JMJD1C: variants seen among roughly 807,000 people sequenced by gnomAD.
JMJD1C encodes jumonji domain containing 1C, also known as jumonji domain-containing protein 1C.
A neutral mutation model predicts 245.3 loss-of-function variants in JMJD1C; 31 were observed. The observed-to-expected ratio is 0.13, with a 90% CI of 0.09 to 0.17. JMJD1C has a LOEUF of 0.17. JMJD1C is among the 10% of genes least tolerant of loss of function. JMJD1C has a pLI of 1.00. For synonymous variants in JMJD1C, 1,057 were observed against 1,017.4 expected (o/e 1.04, Z -0.74); for missense variants, 2,691 against 3,000.2 (o/e 0.90, Z 2.41).
At chr10:63,238,540 C>T (rs914460608) in intron 3 of JMJD1C, among the ~76,000 whole-genome samples, 1 of 152,054 alleles carries the variant, frequency 6.6e-6, no homozygotes, top group Non-Finnish European at 1.5e-5. Flanking sequence ...TAAATTAATA[C>T]TCATGGTTAT....
At position 63,230,772 on chromosome 10, in the gene JMJD1C, C is replaced by A. The variant is rs142606049; in HGVS notation, c.448-10789G>T. 9.3e-5 allele frequency among the ~76,000 whole-genome samples: 14 copies of A among 150,804 alleles called. No homozygotes were observed. In the East Asian group the frequency reaches 1.8e-3, roughly 20 times the overall value. Reference sequence around the variant, plus strand: ...CCTAGGTGACAGAGTGAGACTGTCCCCCCCCCCAAAAAAAATAAATAAAAA... The same window carrying A: ...CCTAGGTGACAGAGTGAGACTGTCCACCCCCCCAAAAAAAATAAATAAAAA... On this transcript the variant is annotated intron_variant, in intron 3 of 25. Transcript: ENST00000399262.
intron 2 of JMJD1C, among the ~76,000 whole-genome samples, chr10:63,362,809 A>G (rs985107647): frequency 3.9e-5 from 6 of 152,016 alleles, no homozygotes; most frequent in Admixed American, 3.3e-4. Flanking sequence ...TATAATTCCT[A>G]AAATATGATC....
At position 63,334,829 on chromosome 10, in the gene JMJD1C, C is replaced by T. The variant is rs191365182; in HGVS notation, c.333+45489G>A. Among the ~76,000 whole-genome samples, 644 of 152,106 alleles carry T rather than the reference C, an allele frequency of 4.2e-3. 3 individuals carry two copies. Among genetic ancestry groups the T allele is most frequent in the Middle Eastern group, 0.017 (5 of 294 alleles). Reference sequence around the variant, plus strand: ...GTTCAAACGACTCTCAGGCCTCAGCCTCCCAAGTAGTGGGACTACAGGTGC... The same window carrying T: ...GTTCAAACGACTCTCAGGCCTCAGCTTCCCAAGTAGTGGGACTACAGGTGC... On this transcript the variant is annotated intron_variant, in intron 2 of 25. Coordinates refer to ENST00000399262, the MANE Select transcript of JMJD1C (RefSeq NM_032776.3).
intron 2 of JMJD1C, among the ~76,000 whole-genome samples, chr10:63,321,757 G>A (rs188003955): frequency 5.3e-5 from 8 of 152,270 alleles, no homozygotes; most frequent in African/African-American, 1.4e-4. Flanking sequence ...AAGTGTACGC[G>A]AGTTAGGCAC....
intron 1 of JMJD1C, among the ~76,000 whole-genome samples, chr10:63,422,678 G>A (rs1248280330): frequency 6.6e-6 from 1 of 152,116 alleles, no homozygotes. Context: ...GAGCATGAGG[G>A]CAATAATATG....
At chr10:63,440,121 G>A (rs1471123691) in intron 1 of JMJD1C, among the ~76,000 whole-genome samples, 6 of 152,144 alleles carry the variant, frequency 3.9e-5, no homozygotes, top group African/African-American at 1.4e-4. Flanking sequence ...GATCACCTGA[G>A]GTGAAGAGTT....
chr10:63,177,902 G>C (rs1283697916), intron 22 of JMJD1C, 46 bp from the exon 23 acceptor site: 5 of 1,593,422 alleles, frequency 3.1e-6, no homozygotes, highest in South Asian at 1.1e-5. Flanking sequence ...AAGAATACCA[G>C]AAAGCCAAGT....
Position 63,197,411 on chromosome 10 carries a change from C to G in JMJD1C, c.5644G>C (p.Asp1882His). 6.2e-7 allele frequency: 1 copy of G among 1,612,392 alleles called. No individual in the cohort carries two copies. The highest frequency in any genetic ancestry group is 8.5e-7 in the Non-Finnish European group (1 of 1,179,416). ...AATTTATATAAACTTATACACCAAC[C>G]TCTAGAACTCTTCCTTTCCTTTGCC... is the stretch of plus-strand genomic sequence containing the variant. ...YKAKERKSSR[D>H]KELYAWMKCV... The change falls in exon 13 of 26, where the codon GAT becomes CAT. Residue 1882 changes from aspartate (D) to histidine (H), a missense_variant and splice_region_variant. Around this residue, in one of 9 missense-constraint regions of JMJD1C, gnomAD observed 139 missense variants for 270.5 expected, o/e 0.51. Coordinates refer to ENST00000399262, the MANE Select transcript of JMJD1C (RefSeq NM_032776.3).
intron 2 of JMJD1C, among the ~76,000 whole-genome samples, chr10:63,309,494 CAAAAAA>C (rs71025153): frequency 1.2e-3 from 57 of 49,428 alleles, no homozygotes; most frequent in Admixed American, 3.5e-3. Context: ...GACTCCATCT[CAAAAAA>C]AAAAAAAAAA....
chr10:63,460,114 C>T (rs1478537375), intron 1 of JMJD1C, among the ~76,000 whole-genome samples: 1 of 152,170 alleles, frequency 6.6e-6, no homozygotes, highest in Non-Finnish European at 1.5e-5. Flanking sequence ...TTAGAAAAAT[C>T]ATGGCCCATC....
intron 3 of JMJD1C, among the ~76,000 whole-genome samples, chr10:63,238,006 T>TG (rs1491302574): frequency 7.2e-5 from 2 of 27,616 alleles, no homozygotes; most frequent in Admixed American, 1.0e-3. Flanking sequence ...CCGTCTCTAC[T>TG]AAAAAAAAAA....
At chr10:63,202,808 A>G in intron 10 of JMJD1C, 2 of 984,402 alleles carry the variant, frequency 2.0e-6, no homozygotes, top group Non-Finnish European at 2.4e-6. Context: ...GAGCTTTTAC[A>G]AGTTGGAATG....
rs139832444 is a variant in JMJD1C at position 63,517,603 on chromosome 10, A to G, written n.113+4135T>C. 3.2e-3 allele frequency among the ~76,000 whole-genome samples: 487 copies of G among 152,268 alleles called. 2 individuals carry two copies. The highest frequency in any genetic ancestry group is 0.011 in the African/African-American group (472 of 41,546). On this transcript the variant is annotated intron_variant and non_coding_transcript_variant, in intron 1 of 3. Coordinates refer to the JMJD1C transcript ENST00000633035. ...AGCACAATGTATGAATATTAGTGAT[A>G]TATGTATAAAATCAAAATTAAGTTC...
chr10:63,289,359 T>G (rs911146469), intron 2 of JMJD1C, among the ~76,000 whole-genome samples: 1 of 152,214 alleles, frequency 6.6e-6, no homozygotes. Context: ...AGTTACTTTC[T>G]AATGATTCAT....
chr10:63,450,163 G>A (rs912074919), intron 1 of JMJD1C, among the ~76,000 whole-genome samples: 10 of 151,784 alleles, frequency 6.6e-5, no homozygotes, highest in African/African-American at 2.4e-4. Context: ...TTAGACCAGG[G>A]TATTAGTGTG....
chr10:63,171,537 T>G (rs1842359019), intron 24 of JMJD1C, among the ~76,000 whole-genome samples: 1 of 152,238 alleles, frequency 6.6e-6, no homozygotes, highest in African/African-American at 2.4e-5. Flanking sequence ...GCCCTTGTCA[T>G]GCAGAATCAC....
intron 2 of JMJD1C, among the ~76,000 whole-genome samples, chr10:63,340,965 C>T (rs749504304): frequency 1.3e-5 from 2 of 152,020 alleles, no homozygotes; most frequent in Non-Finnish European, 2.9e-5. Flanking sequence ...GTAGAAGAAA[C>T]AAAAGACAGT....
chr10:63,422,152 T>A (rs1366614605), intron 1 of JMJD1C, among the ~76,000 whole-genome samples: 3 of 152,190 alleles, frequency 2.0e-5, no homozygotes, highest in African/African-American at 7.2e-5. Context: ...CGGCTCACAC[T>A]TGTAAACCCA....
intron 2 of JMJD1C, among the ~76,000 whole-genome samples, chr10:63,337,624 A>AAAAGAAAAGAAAAAGAAAAAG (rs139374030): frequency 3.3e-5 from 2 of 60,222 alleles, no homozygotes; most frequent in Non-Finnish European, 3.3e-5. Flanking sequence ...AAAAGAAAAG[A>AAAAGAAAAGAAAAAGAAAAAG]AAAAGAAAAG....
Sources: allele counts gnomAD v4.1 joint callset (sites outside exome capture counted in the v4.1 genomes callset), GRCh38; gene constraint gnomAD v4.1.1; regional missense constraint gnomAD v4.1.1; transcripts MANE v1.5; gene names NCBI Gene and HGNC (gene_info 2026-07-23, HGNC 2026-07-21).